The following VPS13B variants were observed in gnomAD, a reference collection of about 807,000 sequenced individuals.
The protein encoded by VPS13B is vacuolar protein sorting 13 homolog B.
VPS13B carries 285 observed loss-of-function variants against 426.4 expected under a neutral mutation model. That is an observed-to-expected ratio of 0.67 (90% CI 0.61 to 0.74). The LOEUF is 0.74. VPS13B is among the 30% of genes least tolerant of loss of function. The pLI is 0.00. For missense variants in VPS13B, 4,537 were observed against 4,782.6 expected (o/e 0.95, Z 1.51); for synonymous variants, 1,676 against 1,676.4 (o/e 1.00, Z 0.01).
At chr8:99,314,690 A>G (rs141415370) in intron 19 of VPS13B, among the ~76,000 whole-genome samples, 17 of 151,352 alleles carry the variant, frequency 1.1e-4, no homozygotes, top group African/African-American at 2.9e-4. Context: ...GCCTCATGCA[A>G]TCCTCCTGCC....
intron 9 of VPS13B, 122 bp downstream of exon 9, chr8:99,134,849 A>T: frequency 8.5e-7 from 1 of 1,179,604 alleles, no homozygotes; most frequent in Non-Finnish European, 1.2e-6. Context: ...TTCTTATTTT[A>T]ATAGAGTTTA....
intron 17 of VPS13B, among the ~76,000 whole-genome samples, chr8:99,211,096 C>T (rs1815065960): frequency 1.3e-5 from 2 of 152,090 alleles, no homozygotes. Flanking sequence ...TTACTCTCAT[C>T]CTTGTTACTA....
At chr8:99,410,621 T>G (rs192760049) in intron 21 of VPS13B, among the ~76,000 whole-genome samples, 1 of 152,062 alleles carries the variant, frequency 6.6e-6, no homozygotes, top group Non-Finnish European at 1.5e-5. Flanking sequence ...CATGAATGTT[T>G]GTTACATAGG....
In VPS13B at chr8:99,778,686, A is replaced by G. The variant is rs373550277; in HGVS notation, c.7434A>G (p.Ala2478=). 2.0e-4 allele frequency: 324 copies of G among 1,613,706 alleles called. No homozygotes were observed. Among genetic ancestry groups the G allele is most frequent in the Non-Finnish European group, 2.6e-4 (308 of 1,179,800 alleles). Residue 2478 remains alanine, a synonymous_variant, in exon 42 of 62, where the codon GCA becomes GCG. Transcript: ENST00000357162. ...CCTTGTTTGTTTTCTCAACAGCTGC[A>G]CCACAGTACCTACAGCCATTTGTTT... is the stretch of plus-strand genomic sequence containing the variant. ...CHHLDQLGTA[A]PQYLQPFVSD...
intron 43 of VPS13B, among the ~76,000 whole-genome samples, chr8:99,805,956 T>C (rs1274714216): frequency 6.6e-6 from 1 of 152,126 alleles, no homozygotes; most frequent in African/African-American, 2.4e-5. Context: ...TCCAAATTGA[T>C]AAAAGAACAC....
intron 35 of VPS13B, among the ~76,000 whole-genome samples, chr8:99,679,716 A>C (rs568981228): frequency 6.6e-6 from 1 of 152,144 alleles, no homozygotes; most frequent in East Asian, 1.9e-4. Flanking sequence ...TACACTTCAC[A>C]CCTTCAATGA....
chr8:99,146,436 T>C (rs1363257137), intron 13 of VPS13B, among the ~76,000 whole-genome samples: 1 of 152,220 alleles, frequency 6.6e-6, no homozygotes, highest in East Asian at 1.9e-4. Context: ...TTAATTACTG[T>C]AACTCTATGG....
chr8:99,708,843 C>CTATA (rs200829327), intron 36 of VPS13B, among the ~76,000 whole-genome samples: 13 of 144,676 alleles, frequency 9.0e-5, no homozygotes, highest in East Asian at 6.6e-4. Flanking sequence ...CTCTCTCTCT[C>CTATA]TCTCTCTATA....
intron 20 of VPS13B, among the ~76,000 whole-genome samples, chr8:99,385,825 C>G (rs1237884705): frequency 1.3e-5 from 2 of 152,070 alleles, no homozygotes; most frequent in Non-Finnish European, 2.9e-5. Flanking sequence ...TTAGACTGAA[C>G]TGTTTGAGCA....
intron 31 of VPS13B, among the ~76,000 whole-genome samples, chr8:99,559,178 G>A (rs1344975230): frequency 2.6e-5 from 4 of 152,156 alleles, no homozygotes; most frequent in Non-Finnish European, 5.9e-5. Flanking sequence ...CATTTTTCAT[G>A]TGTCTGTTGG....
At chr8:99,583,897 A>G (rs910194892) in intron 33 of VPS13B, among the ~76,000 whole-genome samples, 1 of 152,118 alleles carries the variant, frequency 6.6e-6, no homozygotes, top group South Asian at 2.1e-4. Context: ...GTAGTCATGA[A>G]TGGAAAAAGC....
chr8:99,161,337 A>G (rs1235619464), intron 15 of VPS13B, among the ~76,000 whole-genome samples: 1 of 152,240 alleles, frequency 6.6e-6, no homozygotes, highest in Non-Finnish European at 1.5e-5. Context: ...CATGCAGTCA[A>G]CATAAAACAT....
rs191993825 is a variant in VPS13B at position 99,231,516 on chromosome 8, G to T, written c.2515+38459G>T. ...TGTCATCTTTTCTTTTTTAATAAAT[G>T]TTTTCAAGGTTTGTCTAAAAGAAGG... On this transcript the variant is annotated intron_variant, in intron 17 of 61. Coordinates refer to ENST00000357162, the MANE Select transcript of VPS13B (RefSeq NM_152564.5). Among the ~76,000 whole-genome samples the T allele has an allele frequency of 7.0e-3, 1,067 of 152,138 alleles. 4 individuals carry two copies. The highest frequency in any genetic ancestry group is 0.011 in the Non-Finnish European group (758 of 67,984).
chr8:99,084,240 C>T (rs909710969), intron 3 of VPS13B, among the ~76,000 whole-genome samples: 20 of 152,176 alleles, frequency 1.3e-4, no homozygotes, highest in East Asian at 5.8e-4. Flanking sequence ...TTTATTTGCG[C>T]AGAGGTGTTT....
chr8:99,049,953 A>T (rs1843437532), intron 3 of VPS13B, among the ~76,000 whole-genome samples: 1 of 148,440 alleles, frequency 6.7e-6, no homozygotes, highest in African/African-American at 2.5e-5. Flanking sequence ...TGCTTGTTTG[A>T]TTCTGTTGCT....
At chr8:99,632,202 T>A (rs1047126664) in intron 33 of VPS13B, among the ~76,000 whole-genome samples, 19 of 151,976 alleles carry the variant, frequency 1.3e-4, no homozygotes, top group African/African-American at 4.6e-4. Flanking sequence ...ATACACCAGG[T>A]ATGATTAAAA....
chr8:99,265,152 C>CT (rs1436916867), intron 17 of VPS13B, among the ~76,000 whole-genome samples: 5 of 152,018 alleles, frequency 3.3e-5, no homozygotes, highest in Non-Finnish European at 7.4e-5. Context: ...CTGGCTTTGT[C>CT]TGTTTACCCC....
chr8:99,774,027 T>C (rs1244054932), intron 40 of VPS13B, among the ~76,000 whole-genome samples: 3 of 152,180 alleles, frequency 2.0e-5, no homozygotes, highest in African/African-American at 7.2e-5. Flanking sequence ...AGTCCTATTG[T>C]ACTTAGATCA....
chr8:99,592,599 T>G lies in VPS13B; in HGVS notation c.5220+14966T>G, dbSNP rs1440914070. Among the ~76,000 whole-genome samples, 4 of 152,100 alleles carry G rather than the reference T, an allele frequency of 2.6e-5. No individual in the cohort carries two copies. The East Asian group carries it at 7.7e-4, about 29-fold the overall frequency. On this transcript the variant is annotated intron_variant, in intron 33 of 61. Transcript: ENST00000357162. Reference sequence around the variant, plus strand: ...AAATGGAACCAAAACAGAGCCTGAATAGCCAAGATAATTCTAAGCAAAAAG... The same window carrying G: ...AAATGGAACCAAAACAGAGCCTGAAGAGCCAAGATAATTCTAAGCAAAAAG...
Sources: allele counts gnomAD v4.1 joint callset (sites outside exome capture counted in the v4.1 genomes callset), GRCh38; gene constraint gnomAD v4.1.1; transcripts MANE v1.5; gene names NCBI Gene and HGNC (gene_info 2026-07-23, HGNC 2026-07-21).